GRM7: variants seen among roughly 807,000 people sequenced by gnomAD.
The protein encoded by GRM7 is glutamate metabotropic receptor 7, also known as metabotropic glutamate receptor 7.
Under a neutral mutation model 84.5 loss-of-function variants are expected in GRM7, and 35 were observed. That is an observed-to-expected ratio of 0.41 (90% confidence interval 0.32 to 0.55). The LOEUF (loss-of-function observed/expected upper bound fraction) is 0.55. GRM7 is among the 20% of genes least tolerant of loss of function. The probability of loss-of-function intolerance (pLI) is 0.19; values close to 1 mark genes in which losing one functional copy is unlikely to be tolerated. For missense variants in GRM7, 1,003 were observed against 1,194.6 expected (o/e 0.84, Z 2.36); for synonymous variants, 487 against 455.1 (o/e 1.07, Z -0.89).
chr3:7,721,386 T>A (rs767804409), intron 9 of GRM7, among the ~76,000 whole-genome samples: 3 of 152,214 alleles, frequency 2.0e-5, no homozygotes, highest in South Asian at 2.1e-4. Context: ...GTCTGTTTGA[T>A]AACCAACCTG....
chr3:7,126,914 G>A (rs1693420812), intron 1 of GRM7, among the ~76,000 whole-genome samples: 2 of 152,140 alleles, frequency 1.3e-5, no homozygotes, highest in African/African-American at 4.8e-5. Flanking sequence ...ATGTCCCTGA[G>A]ATATTGAGAA....
chr3:7,380,345 G>A (rs1035687778), intron 4 of GRM7, among the ~76,000 whole-genome samples: 18 of 110,468 alleles, frequency 1.6e-4, no homozygotes, highest in East Asian at 5.5e-4. Context: ...TATCCTCTGC[G>A]CATCATATTT....
intron 2 of GRM7, among the ~76,000 whole-genome samples, chr3:7,254,453 C>T (rs1347455684): frequency 1.3e-5 from 2 of 152,192 alleles, no homozygotes; most frequent in African/African-American, 4.8e-5. Context: ...AAAGAATGTT[C>T]AGCGTACAAG....
intron 1 of GRM7, among the ~76,000 whole-genome samples, chr3:7,027,947 C>G (rs138455238): frequency 1.3e-5 from 2 of 152,100 alleles, no homozygotes; most frequent in African/African-American, 4.8e-5. Flanking sequence ...GGTACTTAGC[C>G]TCAAAAGAAT....
chr3:7,076,963 T>C (rs529906872), intron 1 of GRM7, among the ~76,000 whole-genome samples: 45 of 152,022 alleles, frequency 3.0e-4, no homozygotes, highest in African/African-American at 1.0e-3. Flanking sequence ...CCAACAAACA[T>C]ATGAAAAAAT....
intron 9 of GRM7, among the ~76,000 whole-genome samples, chr3:7,734,163 G>T (rs950041719): frequency 6.8e-6 from 1 of 146,594 alleles, no homozygotes; most frequent in African/African-American, 2.5e-5. Flanking sequence ...TCCAAATATG[G>T]TAACAGGTTT....
intron 7 of GRM7, among the ~76,000 whole-genome samples, chr3:7,578,023 T>C (rs1424011952): frequency 6.6e-6 from 1 of 152,258 alleles, no homozygotes; most frequent in Non-Finnish European, 1.5e-5. Flanking sequence ...GGGACATTTA[T>C]ACTTATTACC....
intron 7 of GRM7, among the ~76,000 whole-genome samples, chr3:7,516,538 A>ATGGAACG (rs1700398950): frequency 6.6e-6 from 1 of 151,700 alleles, no homozygotes; most frequent in Non-Finnish European, 1.5e-5. Flanking sequence ...TTAAAGAGAA[A>ATGGAACG]TGGAACGTCA....
At chr3:7,534,682 G>A (rs539645505) in intron 7 of GRM7, among the ~76,000 whole-genome samples, 21 of 151,948 alleles carry the variant, frequency 1.4e-4, no homozygotes, top group Middle Eastern at 3.4e-3. Flanking sequence ...AATAAACAGG[G>A]CCCTTAATTC....
intron 4 of GRM7, among the ~76,000 whole-genome samples, chr3:7,355,442 T>C (rs995406865): frequency 8.5e-5 from 13 of 152,138 alleles, no homozygotes; most frequent in African/African-American, 2.9e-4. Flanking sequence ...GTGCTTGTAG[T>C]GTCAGTGCCA....
At chr3:7,093,624 A>T (rs1408727260) in intron 1 of GRM7, among the ~76,000 whole-genome samples, 1 of 142,450 alleles carries the variant, frequency 7.0e-6, no homozygotes. Context: ...TTGCAGTAAC[A>T]CTAGATCACA....
At chr3:7,072,530 T>A (rs773617051) in intron 1 of GRM7, among the ~76,000 whole-genome samples, 1 of 151,824 alleles carries the variant, frequency 6.6e-6, no homozygotes, top group Non-Finnish European at 1.5e-5. Context: ...AAAAGATAGA[T>A]AATAAAATTA....
intron 7 of GRM7, among the ~76,000 whole-genome samples, chr3:7,480,421 A>G (rs971681528): frequency 6.6e-6 from 1 of 152,192 alleles, no homozygotes; most frequent in African/African-American, 2.4e-5. Flanking sequence ...ACTAGCCTCA[A>G]AGCAATTGGA....
intron 7 of GRM7, among the ~76,000 whole-genome samples, chr3:7,544,511 G>A (rs979304374): frequency 2.0e-5 from 3 of 152,100 alleles, no homozygotes; most frequent in African/African-American, 7.2e-5. Context: ...TTACTGGATG[G>A]GAGATCCTGG....
At chr3:7,312,381 GA>G (rs1700429730) in intron 4 of GRM7, among the ~76,000 whole-genome samples, 1 of 152,026 alleles carries the variant, frequency 6.6e-6, no homozygotes, top group Non-Finnish European at 1.5e-5. Context: ...TCCTCAAAAG[GA>G]AGGGAGGCAA....
At chr3:7,075,915 G>T (rs894770290) in intron 1 of GRM7, among the ~76,000 whole-genome samples, 1 of 150,110 alleles carries the variant, frequency 6.7e-6, no homozygotes, top group Non-Finnish European at 1.5e-5. Context: ...GCAATCCTCT[G>T]TGCCACAAAA....
At position 7,410,142 on chromosome 3, in the gene GRM7, G is replaced by A. The variant is rs17047263; in HGVS notation, c.1034-4881G>A. 3.1e-3 allele frequency among the ~76,000 whole-genome samples: 471 copies of A among 152,186 alleles called. 5 individuals carry two copies. Among genetic ancestry groups the A allele is most frequent in the African/African-American group, 0.011 (441 of 41,530 alleles). ...GAAATACTGTAAGCTGAAGAGCTCA[G>A]GCCTACCTAAAAGGAATATCTATTT... On this transcript the variant is annotated intron_variant, in intron 4 of 9. Transcript: ENST00000357716.
chr3:6,932,212 T>G (rs781755616), intron 1 of GRM7, among the ~76,000 whole-genome samples: 82 of 152,216 alleles, frequency 5.4e-4, no homozygotes, highest in Non-Finnish European at 9.4e-4. Context: ...GCATCCTAAA[T>G]GCATTTTAAA....
intron 4 of GRM7, among the ~76,000 whole-genome samples, chr3:7,382,154 T>C (rs1204053348): frequency 5.3e-5 from 8 of 152,298 alleles, no homozygotes; most frequent in Non-Finnish European, 8.8e-5. Flanking sequence ...CTTATGGCTT[T>C]TTTATTGGAT....
Sources: allele counts gnomAD v4.1 joint callset (sites outside exome capture counted in the v4.1 genomes callset), GRCh38; gene constraint gnomAD v4.1.1; transcripts MANE v1.5; gene names NCBI Gene and HGNC (gene_info 2026-07-23, HGNC 2026-07-21).